Variants in DOCK4 observed in about 807,000 individuals in gnomAD.
The protein encoded by DOCK4 is dedicator of cytokinesis protein 4.
DOCK4 carries 97 observed loss-of-function variants against 268.1 expected under a neutral mutation model. That is an observed-to-expected ratio of 0.36 (90% CI 0.31 to 0.43). DOCK4 has a LOEUF of 0.43. DOCK4 is among the 20% of genes least tolerant of loss of function. The pLI, the probability that DOCK4 is intolerant of heterozygous loss-of-function variation, is 1.00. For missense variants in DOCK4, 2,145 were observed against 2,455.7 expected, an observed-to-expected ratio of 0.87 and a Z score of 2.67; for synonymous variants, 954 against 887.2, an observed-to-expected ratio of 1.08 and a Z score of -1.34.
chr7:111,748,381 C>T (rs561613925), intron 42 of DOCK4, among the ~76,000 whole-genome samples: 9 of 151,852 alleles, frequency 5.9e-5, no homozygotes, highest in South Asian at 4.2e-4. Context: ...TCAAAAAGCA[C>T]GTGTTCAGGG....
At chr7:112,165,455 G>C (rs879891795) in intron 1 of DOCK4, among the ~76,000 whole-genome samples, 1 of 151,524 alleles carries the variant, frequency 6.6e-6, no homozygotes, top group South Asian at 2.1e-4. Context: ...TTAAGATAAT[G>C]ACCTCCAGCT....
chr7:112,059,424 G>A (rs1485960920), intron 1 of DOCK4, among the ~76,000 whole-genome samples: 6 of 152,048 alleles, frequency 3.9e-5, no homozygotes, highest in Non-Finnish European at 5.9e-5. Flanking sequence ...TTACAGGCGC[G>A]AGCCACCACC....
intron 31 of DOCK4, 23 bp from the exon 32 acceptor site, chr7:111,788,770 T>C: frequency 3.9e-6 from 6 of 1,546,440 alleles, no homozygotes; most frequent in Non-Finnish European, 5.3e-6. Context: ...CAACTATTAT[T>C]CTCTTTCCTC....
At chr7:112,061,333 G>T (rs766953559) in intron 1 of DOCK4, among the ~76,000 whole-genome samples, 2 of 152,220 alleles carry the variant, frequency 1.3e-5, no homozygotes, top group East Asian at 1.9e-4. Context: ...TGGGTCACAC[G>T]ACCAGGTAGT....
chr7:112,020,220 C>CT (rs1001654981), intron 1 of DOCK4, among the ~76,000 whole-genome samples: 6 of 152,228 alleles, frequency 3.9e-5, no homozygotes, highest in African/African-American at 1.4e-4. Context: ...AAGACTGAAC[C>CT]TTTTTTATCC....
chr7:112,088,708 G>A (rs2135748451), intron 1 of DOCK4, among the ~76,000 whole-genome samples: 1 of 152,228 alleles, frequency 6.6e-6, no homozygotes, highest in South Asian at 2.1e-4. Context: ...TGGGGCAGGA[G>A]AGCCTTATGG....
intron 8 of DOCK4, among the ~76,000 whole-genome samples, chr7:111,973,156 C>CATGCATATATATATATAT (rs1554399516): frequency 8.8e-6 from 1 of 114,062 alleles, no homozygotes; most frequent in African/African-American, 3.6e-5. Flanking sequence ...TATTCCATGG[C>CATGCATATATATATATAT]ATATATATAT....
At chr7:111,934,535 T>TTTG (rs1794547629) in intron 12 of DOCK4, among the ~76,000 whole-genome samples, 1 of 120,708 alleles carries the variant, frequency 8.3e-6, no homozygotes, top group Non-Finnish European at 1.7e-5. Flanking sequence ...TTTTTTTTTT[T>TTTG]TTTTTTTTTT....
chr7:112,130,772 C>T (rs116710545), intron 1 of DOCK4, among the ~76,000 whole-genome samples: 1,740 of 152,272 alleles, frequency 0.011, 37 homozygotes, highest in African/African-American at 0.04. Flanking sequence ...AATACAGACG[C>T]GTCCTACCAA....
chr7:111,948,348 TGCTATAAG>T (rs1795787324), intron 8 of DOCK4, among the ~76,000 whole-genome samples: 1 of 152,182 alleles, frequency 6.6e-6, no homozygotes, highest in South Asian at 2.1e-4. Context: ...TCCATTAGAA[TGCTATAAG>T]GTAACTTTCT....
intron 26 of DOCK4, among the ~76,000 whole-genome samples, chr7:111,833,359 T>C (rs1357420610): frequency 6.6e-6 from 1 of 151,908 alleles, no homozygotes; most frequent in Non-Finnish European, 1.5e-5. Context: ...CTGGGCAACA[T>C]AGTGAGACCC....
intron 35 of DOCK4, among the ~76,000 whole-genome samples, chr7:111,779,484 G>A (rs1798660770): frequency 6.6e-6 from 1 of 152,046 alleles, no homozygotes; most frequent in African/African-American, 2.4e-5. Context: ...TGCAACCTCC[G>A]CCTTCCGAGT....
At chr7:112,068,462 C>A (rs1487449743) in intron 1 of DOCK4, among the ~76,000 whole-genome samples, 1 of 152,178 alleles carries the variant, frequency 6.6e-6, no homozygotes, top group Non-Finnish European at 1.5e-5. Context: ...TTTACCCTCT[C>A]TAAACCTCAG....
At position 111,808,898 on chromosome 7, in the gene DOCK4, C is replaced by T. The variant is rs779379252; in HGVS notation, c.3108-19G>A. 2.5e-6 allele frequency: 4 copies of T among 1,610,164 alleles called. No homozygotes were observed. Among genetic ancestry groups the T allele is most frequent in the Non-Finnish European group, 2.5e-6 (3 of 1,177,806 alleles). ...ACCATACCTGAAATAGAACAAAAAA[C>T]CAAACCTGATACAATGCCTCCAGAA... On this transcript the variant is annotated intron_variant, in intron 29 of 52. Transcript: ENST00000428084.
At chr7:111,874,934 T>C (rs183624450) in intron 17 of DOCK4, among the ~76,000 whole-genome samples, 1 of 152,338 alleles carries the variant, frequency 6.6e-6, no homozygotes, top group East Asian at 1.9e-4. Context: ...AAATGCTGAA[T>C]TGTAGTAGAA....
At chr7:111,772,364 C>T (rs1346483680) in intron 36 of DOCK4, among the ~76,000 whole-genome samples, 1 of 151,798 alleles carries the variant, frequency 6.6e-6, no homozygotes, top group Non-Finnish European at 1.5e-5. Context: ...TAGAGTGAGA[C>T]CCCCATCTCA....
chr7:112,158,120 A>G (rs1816787515), intron 1 of DOCK4, among the ~76,000 whole-genome samples: 1 of 152,222 alleles, frequency 6.6e-6, no homozygotes, highest in Non-Finnish European at 1.5e-5. Flanking sequence ...AACTTGTATC[A>G]GAATCACTTA....
intron 25 of DOCK4, among the ~76,000 whole-genome samples, chr7:111,840,474 CT>C (rs1370113545): frequency 1.3e-5 from 2 of 151,898 alleles, no homozygotes; most frequent in African/African-American, 4.8e-5. Flanking sequence ...TTTATAAAAT[CT>C]GCTTCTACCT....
intron 12 of DOCK4, among the ~76,000 whole-genome samples, chr7:111,932,400 T>C (rs761047019): frequency 2.5e-4 from 38 of 152,098 alleles, no homozygotes; most frequent in Non-Finnish European, 2.6e-4. Context: ...ACAGGACGCA[T>C]AGGGAGAAAG....
Sources: allele counts gnomAD v4.1 joint callset (sites outside exome capture counted in the v4.1 genomes callset), GRCh38; gene constraint gnomAD v4.1.1; transcripts MANE v1.5; gene names NCBI Gene and HGNC (gene_info 2026-07-23, HGNC 2026-07-21).